Variants in BBS9 observed in about 807,000 individuals in gnomAD.
BBS9 encodes protein PTHB1.
Under a neutral mutation model 117.7 loss-of-function variants are expected in BBS9, and 89 were observed. The ratio of observed to expected loss-of-function variants is 0.76; its 90% CI spans 0.64 to 0.90. The LOEUF (loss-of-function observed/expected upper bound fraction) is 0.90, where lower values mean the gene tolerates loss of function less well. Ranked by LOEUF, BBS9 falls within the 40% of genes least tolerant of loss-of-function variation. BBS9 has a pLI of 0.00. For synonymous variants in BBS9, 379 were observed against 370.9 expected (o/e 1.02, Z -0.25); for missense variants, 982 against 1,042.2 (o/e 0.94, Z 0.80).
At chr7:33,548,657 G>A (rs2129085943) in intron 21 of BBS9, among the ~76,000 whole-genome samples, 1 of 151,862 alleles carries the variant, frequency 6.6e-6, no homozygotes, top group African/African-American at 2.4e-5. Context: ...GCCAAATCAT[G>A]AGTGAACTCC....
chr7:33,230,715 C>T (rs1219865270), intron 5 of BBS9, among the ~76,000 whole-genome samples: 1 of 152,094 alleles, frequency 6.6e-6, no homozygotes, highest in Admixed American at 6.6e-5. Flanking sequence ...AGGATAATGG[C>T]CTCCATTTCC....
intron 5 of BBS9, among the ~76,000 whole-genome samples, chr7:33,256,864 A>G (rs1034434972): frequency 3.3e-5 from 5 of 152,180 alleles, no homozygotes; most frequent in African/African-American, 1.2e-4. Context: ...GATCTTTCTC[A>G]GATTAGGGAT....
intron 19 of BBS9, among the ~76,000 whole-genome samples, chr7:33,396,402 A>G (rs544037606): frequency 1.3e-3 from 198 of 152,304 alleles, no homozygotes; most frequent in African/African-American, 4.6e-3. Flanking sequence ...ATGAAATAGT[A>G]TATAATAAGT....
intron 9 of BBS9, among the ~76,000 whole-genome samples, chr7:33,316,474 A>T (rs930992304): frequency 6.6e-6 from 1 of 152,184 alleles, no homozygotes; most frequent in Non-Finnish European, 1.5e-5. Flanking sequence ...AACTGCCAAA[A>T]CTTTTTGCAA....
intron 21 of BBS9, among the ~76,000 whole-genome samples, chr7:33,597,983 G>A (rs1035198841): frequency 1.3e-5 from 2 of 151,722 alleles, no homozygotes; most frequent in African/African-American, 2.4e-5. Context: ...GCTCACAGTC[G>A]GCCTCAGCAT....
chr7:33,490,882 T>A lies in BBS9; in HGVS notation c.2116-14581T>A, dbSNP rs1424897921. Among the ~76,000 whole-genome samples the A allele has an allele frequency of 2.0e-5, 3 of 152,308 alleles. No homozygotes were observed. The East Asian group carries it at 5.8e-4, about 29-fold the overall frequency. On this transcript the variant is annotated intron_variant, in intron 19 of 22. Coordinates refer to ENST00000242067, the MANE Select transcript of BBS9 (RefSeq NM_198428.3). ...GCTCCGTGGAGTTCTTTCAAAGCGG[T>A]GTGGACAGTGACAGAACATGGGCTT...
At chr7:33,153,493 A>G (rs1000018562) in intron 3 of BBS9, among the ~76,000 whole-genome samples, 1 of 152,224 alleles carries the variant, frequency 6.6e-6, no homozygotes, top group Non-Finnish European at 1.5e-5. Context: ...TTCATCATTT[A>G]GAAGTACGAT....
intron 5 of BBS9, among the ~76,000 whole-genome samples, chr7:33,219,371 G>A (rs371342092): frequency 2.6e-5 from 4 of 152,316 alleles, no homozygotes; most frequent in East Asian, 1.9e-4. Context: ...CACAGGGCGC[G>A]GGACTGGCAG....
intron 19 of BBS9, among the ~76,000 whole-genome samples, chr7:33,484,932 G>T (rs866556292): frequency 6.6e-6 from 1 of 152,130 alleles, no homozygotes; most frequent in African/African-American, 2.4e-5. Flanking sequence ...ATAAAATGTT[G>T]TATATATACA....
intron 21 of BBS9, among the ~76,000 whole-genome samples, chr7:33,591,163 A>ATT (rs1585391577): frequency 1.3e-5 from 2 of 151,918 alleles, no homozygotes; most frequent in African/African-American, 2.4e-5. Flanking sequence ...TTTTTTTTAA[A>ATT]GGCTGTATTT....
At chr7:33,592,650 C>A in intron 21 of BBS9, among the ~76,000 whole-genome samples, 1 of 152,102 alleles carries the variant, frequency 6.6e-6, no homozygotes, top group Non-Finnish European at 1.5e-5. Context: ...CAACCTGTTT[C>A]CAAGCCAGTG....
At chr7:33,445,964 C>G (rs914436809) in intron 19 of BBS9, among the ~76,000 whole-genome samples, 2 of 152,032 alleles carry the variant, frequency 1.3e-5, no homozygotes, top group African/African-American at 4.8e-5. Flanking sequence ...TATAAATTAC[C>G]CTGTCTCAAG....
chr7:33,573,484 C>T (rs1238222740), intron 21 of BBS9, among the ~76,000 whole-genome samples: 1 of 152,064 alleles, frequency 6.6e-6, no homozygotes, highest in Non-Finnish European at 1.5e-5. Flanking sequence ...GTTCATAGAG[C>T]TCTTTCTTAT....
At chr7:33,485,142 C>T (rs1842931236) in intron 19 of BBS9, among the ~76,000 whole-genome samples, 2 of 151,888 alleles carry the variant, frequency 1.3e-5, no homozygotes, top group African/African-American at 2.4e-5. Context: ...TGGGACCTGT[C>T]GTGGGGATAG....
At chr7:33,141,264 A>G (rs7784516) in intron 1 of BBS9, among the ~76,000 whole-genome samples, 24,623 of 152,132 alleles carry the variant, frequency 0.16, 2,134 homozygotes, top group South Asian at 0.21. Context: ...CTCTACTAAA[A>G]TACAAAAATT....
At chr7:33,383,105 G>A (rs1456476016) in intron 17 of BBS9, among the ~76,000 whole-genome samples, 1 of 152,166 alleles carries the variant, frequency 6.6e-6, no homozygotes, top group African/African-American at 2.4e-5. Context: ...GAGTAGTGGA[G>A]CTGAGGTCTC....
At chr7:33,143,064 G>T (rs1168550485) in intron 1 of BBS9, among the ~76,000 whole-genome samples, 2 of 152,064 alleles carry the variant, frequency 1.3e-5, no homozygotes, top group Non-Finnish European at 2.9e-5. Context: ...CTGCCTCCCA[G>T]GTTCATGGCA....
intron 19 of BBS9, among the ~76,000 whole-genome samples, chr7:33,469,761 A>C (rs902878418): frequency 6.6e-6 from 1 of 152,078 alleles, no homozygotes; most frequent in African/African-American, 2.4e-5. Flanking sequence ...AAGAAAGAAA[A>C]AGAAAGCTGC....
chr7:33,204,342 G>T (rs1351977746), intron 5 of BBS9, among the ~76,000 whole-genome samples: 1 of 150,204 alleles, frequency 6.7e-6, no homozygotes, highest in African/African-American at 2.5e-5. Flanking sequence ...GGGAGGCAGA[G>T]GTTGCAGTGA....
Sources: gnomAD v4.1 joint callset for allele counts (sites outside exome capture counted in the v4.1 genomes callset) on GRCh38, gnomAD v4.1.1 for gene constraint, MANE v1.5 for transcripts, NCBI Gene and HGNC (gene_info 2026-07-23, HGNC 2026-07-21) for gene names.